STXBP5L: variants seen among roughly 807,000 people sequenced by gnomAD.
STXBP5L encodes the protein syntaxin binding protein 5L.
A neutral mutation model predicts 144.5 loss-of-function variants in STXBP5L; 65 were observed. The ratio of observed to expected loss-of-function variants is 0.45; its 90% CI spans 0.37 to 0.55. The LOEUF is 0.55. Ranked by LOEUF, STXBP5L falls within the 20% of genes least tolerant of loss-of-function variation. The pLI is 0.00. For synonymous variants in STXBP5L, 505 were observed against 469.6 expected, an observed-to-expected ratio of 1.08 and a Z score of -0.97; for missense variants, 1,298 against 1,405.5, an observed-to-expected ratio of 0.92 and a Z score of 1.22.
chr3:121,349,871 T>G (rs560087929), intron 20 of STXBP5L, among the ~76,000 whole-genome samples: 1 of 152,108 alleles, frequency 6.6e-6, no homozygotes, highest in Non-Finnish European at 1.5e-5. Context: ...TGAGATGGGT[T>G]TCCTGAATAC....
chr3:121,285,328 C>A (rs1021876504), intron 19 of STXBP5L, among the ~76,000 whole-genome samples: 97 of 152,046 alleles, frequency 6.4e-4, no homozygotes, highest in African/African-American at 2.3e-3. Flanking sequence ...GGGACCCAAA[C>A]TTATGCCTAT....
At chr3:121,054,179 G>C (rs1948261393) in intron 5 of STXBP5L, among the ~76,000 whole-genome samples, 2 of 152,196 alleles carry the variant, frequency 1.3e-5, no homozygotes, top group African/African-American at 4.8e-5. Context: ...GGAAGTCAGT[G>C]TGGCGATTCC....
chr3:121,098,335 G>A (rs1022827721), intron 5 of STXBP5L, among the ~76,000 whole-genome samples: 1 of 152,152 alleles, frequency 6.6e-6, no homozygotes, highest in African/African-American at 2.4e-5. Flanking sequence ...AGAGTATCAT[G>A]TGGTTAGACA....
rs577993847 is a variant in STXBP5L, at chr3:120,983,988, G to T, written c.287+28951G>T. 5.3e-5 allele frequency among the ~76,000 whole-genome samples: 8 copies of T among 152,318 alleles called. 1 individual carries two copies. The South Asian group carries it at 8.3e-4, about 16-fold the overall frequency. ...CTGTGGCATCCCTGGTGATCAGAGT[G>T]CAGAGTAGCTGCTGAGTTTCACACG... On this transcript the variant is annotated intron_variant, in intron 3 of 26. Coordinates refer to ENST00000471454, the MANE Select transcript of STXBP5L (RefSeq NM_001308330.2).
intron 3 of STXBP5L, among the ~76,000 whole-genome samples, chr3:120,986,189 T>A (rs1942270507): frequency 6.6e-6 from 1 of 152,006 alleles, no homozygotes; most frequent in Non-Finnish European, 1.5e-5. Context: ...TCTTCAAATT[T>A]GTGACTATTG....
rs1164983742 is a variant in STXBP5L at position 121,318,537 on chromosome 3, T to TTGAGG, written c.2173_2174insTGAGG (p.Ser725LeufsTer6). ...ACTTGAGCGCTGCAAGTCTCCTACC[T>TTGAGG]CAGGTAAACATGAGTGGTATTTTGC... On this transcript the variant is annotated frameshift_variant, in exon 20 of 27. Coordinates refer to ENST00000471454, the MANE Select transcript of STXBP5L (RefSeq NM_001308330.2). LOFTEE classifies it high-confidence loss of function. 1 of 1,551,440 alleles carries TTGAGG rather than the reference T, an allele frequency of 6.4e-7. No homozygotes were observed. Among genetic ancestry groups the TTGAGG allele is most frequent in the Non-Finnish European group, 8.7e-7 (1 of 1,147,788 alleles).
intron 4 of STXBP5L, 120 bp from the exon 5 acceptor site, chr3:121,045,315 T>G: frequency 2.3e-6 from 2 of 865,930 alleles, no homozygotes; most frequent in Non-Finnish European, 1.7e-6. Context: ...TTCCTTATAT[T>G]TCTGAGATAA....
chr3:121,193,843 G>A (rs532938304), intron 9 of STXBP5L, among the ~76,000 whole-genome samples: 3 of 152,164 alleles, frequency 2.0e-5, no homozygotes, highest in South Asian at 4.1e-4. Context: ...GTCAGGGGGA[G>A]GGATAGCATT....
intron 5 of STXBP5L, among the ~76,000 whole-genome samples, chr3:121,052,670 C>G (rs564152872): frequency 6.6e-6 from 1 of 152,242 alleles, no homozygotes; most frequent in South Asian, 2.1e-4. Flanking sequence ...GAAGCATTCC[C>G]TTTGAAAACT....
chr3:120,949,198 T>A (rs1208814140), intron 2 of STXBP5L, among the ~76,000 whole-genome samples: 2 of 152,072 alleles, frequency 1.3e-5, no homozygotes, highest in African/African-American at 2.4e-5. Flanking sequence ...ACCATTTGTG[T>A]ATCTTCTTTT....
chr3:121,134,886 A>G (rs1251390782), intron 7 of STXBP5L, among the ~76,000 whole-genome samples: 1 of 152,166 alleles, frequency 6.6e-6, no homozygotes, highest in Non-Finnish European at 1.5e-5. Flanking sequence ...GTGCCTTTAT[A>G]GCAGCATGAT....
chr3:121,229,339 A>G (rs1433673311), intron 11 of STXBP5L, among the ~76,000 whole-genome samples: 1 of 152,068 alleles, frequency 6.6e-6, no homozygotes, highest in Non-Finnish European at 1.5e-5. Flanking sequence ...TAACCTTTGA[A>G]TTAGAAAAAG....
chr3:121,016,450 C>T (rs1028254398), intron 3 of STXBP5L, among the ~76,000 whole-genome samples: 1 of 152,148 alleles, frequency 6.6e-6, no homozygotes, highest in Non-Finnish European at 1.5e-5. Context: ...ATCAAAAACA[C>T]TGTACAGAAA....
chr3:121,125,044 A>G lies in STXBP5L; in HGVS notation c.669+3340A>G, dbSNP rs183605877. ...TTTGTTAATTTGTTGAATTATGTTA[A>G]TAGATTTTCTAACTTTAAACATATT... is the stretch of plus-strand genomic sequence containing the variant. On this transcript the variant is annotated intron_variant, in intron 7 of 26. Transcript: ENST00000471454. Among the ~76,000 whole-genome samples the G allele has an allele frequency of 3.3e-5, 5 of 152,328 alleles. No individual in the cohort carries two copies. In the East Asian group the frequency reaches 9.6e-4, roughly 29 times the overall value.
chr3:121,358,229 C>A (rs73183155), intron 20 of STXBP5L, among the ~76,000 whole-genome samples: 1 of 151,874 alleles, frequency 6.6e-6, no homozygotes, highest in East Asian at 1.9e-4. Context: ...ATTTTTTCTA[C>A]CCATTAACCA....
chr3:121,073,349 A>G (rs1375510428), intron 5 of STXBP5L, among the ~76,000 whole-genome samples: 4 of 152,184 alleles, frequency 2.6e-5, no homozygotes, highest in Admixed American at 6.5e-5. Flanking sequence ...ATAGCCAGTG[A>G]TGCCCCCTCT....
At chr3:120,958,911 T>A (rs557842543) in intron 3 of STXBP5L, among the ~76,000 whole-genome samples, 1 of 151,976 alleles carries the variant, frequency 6.6e-6, no homozygotes, top group Non-Finnish European at 1.5e-5. Flanking sequence ...CCAGGGCAAT[T>A]AGGCAGGAGA....
intron 19 of STXBP5L, among the ~76,000 whole-genome samples, chr3:121,311,012 T>C (rs978443777): frequency 1.6e-4 from 24 of 152,058 alleles, no homozygotes; most frequent in African/African-American, 5.8e-4. Context: ...CTAAAACATA[T>C]GAAGAATTCT....
At chr3:121,254,769 T>C in intron 15 of STXBP5L, 126 bp from the exon 16 acceptor site, 2 of 816,148 alleles carry the variant, frequency 2.5e-6, no homozygotes, top group Non-Finnish European at 3.8e-6. Context: ...CTTTACTGGT[T>C]AAAATGTAAT....
Sources: allele counts gnomAD v4.1 joint callset (sites outside exome capture counted in the v4.1 genomes callset), GRCh38; gene constraint gnomAD v4.1.1; transcripts MANE v1.5; gene names NCBI Gene and HGNC (gene_info 2026-07-23, HGNC 2026-07-21).